Variants in PGBD2 observed in about 807,000 individuals in gnomAD.
PGBD2 encodes piggyBac transposable element derived 2, also known as piggyBac transposable element-derived protein 2.
A neutral mutation model predicts 8.1 loss-of-function variants in PGBD2; 6 were observed. That is an observed-to-expected ratio of 0.74 (90% CI 0.40 to 1.46). PGBD2 has a LOEUF of 1.46. Among genes scored for constraint, PGBD2 ranks in the 40% most tolerant of loss-of-function variants. The pLI, the probability that PGBD2 is intolerant of heterozygous loss-of-function variation, is 0.02. For synonymous variants in PGBD2, 318 were observed against 272.2 expected, an observed-to-expected ratio of 1.17 and a Z score of -1.66; for missense variants, 802 against 739.0, an observed-to-expected ratio of 1.09 and a Z score of -0.99.
At chr1:248,925,557 TCTG>T in the PGBD2 span, among the ~76,000 whole-genome samples, 1 of 150,574 alleles carries the variant, frequency 6.6e-6, no homozygotes, top group Non-Finnish European at 1.5e-5. Context: ...TTTTCTAACC[TCTG>T]CTACCATGAC....
In PGBD2 at chr1:248,917,174, G is replaced by A; in HGVS notation, c.590G>A (p.Arg197Lys). 6.2e-7 allele frequency: 1 copy of A among 1,614,084 alleles called. No homozygotes were observed. Among genetic ancestry groups the A allele is most frequent in the East Asian group, 2.2e-5 (1 of 44,884 alleles). ...ILSGYISYPR[R>K]RMFWETSPDS... ...AGTGGGTACATCTCTTATCCAAGGA[G>A]AAGGATGTTCTGGGAAACCTCTCCC... is the stretch of plus-strand genomic sequence containing the variant. Residue 197 changes from arginine (R) to lysine (K), a missense_variant, in exon 3 of 3, where the codon AGA (arginine) becomes AAA (lysine). Arg to Lys is a conservative substitution (Grantham distance 26, BLOSUM62 2). Coordinates refer to ENST00000329291, the MANE Select transcript of PGBD2 (RefSeq NM_170725.3).
the PGBD2 span, among the ~76,000 whole-genome samples, chr1:248,928,778 C>A: frequency 1.3e-5 from 2 of 152,214 alleles, no homozygotes; most frequent in South Asian, 2.1e-4. Context: ...CTTATTTTTC[C>A]TGCAGAAGAA....
downstream of PGBD2, among the ~76,000 whole-genome samples, chr1:248,921,814 G>T (rs1480337631): frequency 6.6e-6 from 1 of 152,088 alleles, no homozygotes; most frequent in Admixed American, 6.5e-5. Flanking sequence ...ATTTCTTTGA[G>T]CAGTGATTTG....
chr1:248,902,344 A>T (rs183571451), upstream of PGBD2, among the ~76,000 whole-genome samples: 850 of 152,306 alleles, frequency 5.6e-3, 4 homozygotes, highest in African/African-American at 0.019. Context: ...GTCAAGAAAC[A>T]ATAGTTACTG....
At chr1:248,891,864 T>A in the PGBD2 span, among the ~76,000 whole-genome samples, 5 of 152,202 alleles carry the variant, frequency 3.3e-5, no homozygotes, top group African/African-American at 1.2e-4. Flanking sequence ...AAAAGTCCAA[T>A]CTCTTGTAAA....
At chr1:248,929,414 T>A in the PGBD2 span, among the ~76,000 whole-genome samples, 2 of 152,182 alleles carry the variant, frequency 1.3e-5, no homozygotes, top group Admixed American at 6.5e-5. Context: ...GGCCAGGGAC[T>A]TTTTAGTAAT....
chr1:248,927,251 C>T, the PGBD2 span, among the ~76,000 whole-genome samples: 1 of 152,080 alleles, frequency 6.6e-6, no homozygotes, highest in Non-Finnish European at 1.5e-5. Flanking sequence ...AGAGGGAGAG[C>T]ATGAGAATGT....
At chr1:248,901,667 G>A (rs771007128), upstream of PGBD2, among the ~76,000 whole-genome samples, 3 of 152,096 alleles carry the variant, frequency 2.0e-5, no homozygotes, top group Non-Finnish European at 4.4e-5. Context: ...TACCATTCAG[G>A]ACATAGACAC....
chr1:248,921,060 A>C (rs995617969), downstream of PGBD2, among the ~76,000 whole-genome samples: 10 of 151,810 alleles, frequency 6.6e-5, no homozygotes, highest in African/African-American at 2.4e-4. Context: ...AGATGAGTAG[A>C]TTGCAAAAAT....
At chr1:248,877,455 T>C in the PGBD2 span, among the ~76,000 whole-genome samples, 1 of 152,278 alleles carries the variant, frequency 6.6e-6, no homozygotes, top group South Asian at 2.1e-4. Context: ...CACACAAATT[T>C]ATTTAATATG....
At chr1:248,888,559 C>T in the PGBD2 span, among the ~76,000 whole-genome samples, 5 of 152,118 alleles carry the variant, frequency 3.3e-5, no homozygotes, top group Non-Finnish European at 7.4e-5. Context: ...ATTGTCTATT[C>T]ATGCCCTTTG....
the PGBD2 span, among the ~76,000 whole-genome samples, chr1:248,926,706 C>T: frequency 9.9e-5 from 15 of 152,280 alleles, no homozygotes; most frequent in Non-Finnish European, 2.1e-4. Context: ...TTCCCAGGGT[C>T]GCACAGCTAC....
downstream of PGBD2, among the ~76,000 whole-genome samples, chr1:248,924,692 CAA>C (rs577852614): frequency 4.1e-3 from 630 of 152,276 alleles, 1 homozygote; most frequent in African/African-American, 0.014. Flanking sequence ...CAAAAAGTAG[CAA>C]AGACACATTT....
At chr1:248,875,324 A>AAAG in the PGBD2 span, among the ~76,000 whole-genome samples, 1 of 149,452 alleles carries the variant, frequency 6.7e-6, no homozygotes, top group African/African-American at 2.5e-5. Flanking sequence ...AAAAAAAAAA[A>AAAG]AAAAGAAAAG....
the PGBD2 span, among the ~76,000 whole-genome samples, chr1:248,874,017 C>T: frequency 1.7e-3 from 252 of 152,242 alleles, no homozygotes; most frequent in Non-Finnish European, 1.4e-3. Flanking sequence ...TTCCCGGAGT[C>T]CGTTGGTATT....
upstream of PGBD2, among the ~76,000 whole-genome samples, chr1:248,901,209 A>G (rs557150794): frequency 1.3e-5 from 2 of 152,332 alleles, no homozygotes; most frequent in South Asian, 2.1e-4. Context: ...TTAAATTGCT[A>G]TGGACATTTT....
At chr1:248,901,267 A>G (rs904930198), upstream of PGBD2, among the ~76,000 whole-genome samples, 13 of 152,206 alleles carry the variant, frequency 8.5e-5, no homozygotes, top group Admixed American at 5.9e-4. Flanking sequence ...GAACCAAAAA[A>G]AAGTCCTAAT....
chr1:248,884,980 C>T, the PGBD2 span, among the ~76,000 whole-genome samples: 2 of 151,994 alleles, frequency 1.3e-5, no homozygotes, highest in African/African-American at 4.8e-5. Flanking sequence ...GTTTTTGTGC[C>T]TTAAATTTAA....
At chr1:248,884,565 T>C in the PGBD2 span, among the ~76,000 whole-genome samples, 1 of 152,180 alleles carries the variant, frequency 6.6e-6, no homozygotes, top group Non-Finnish European at 1.5e-5. Context: ...CAGGATGGTC[T>C]TGAACTCCTG....
Sources: gnomAD v4.1 joint callset for allele counts (sites outside exome capture counted in the v4.1 genomes callset) on GRCh38, gnomAD v4.1.1 for gene constraint, MANE v1.5 for transcripts, NCBI Gene and HGNC (gene_info 2026-07-23, HGNC 2026-07-21) for gene names.